The following EPHA7 variants were observed in gnomAD, a reference collection of about 807,000 sequenced individuals.
EPHA7 encodes EPH receptor A7.
In EPHA7, 25 loss-of-function variants were observed where a neutral mutation model predicts 112.6. The ratio of observed to expected loss-of-function variants is 0.22; its 90% confidence interval spans 0.16 to 0.31. The LOEUF is 0.31. Ranked by LOEUF, EPHA7 falls within the 10% of genes least tolerant of loss-of-function variation. The probability of loss-of-function intolerance (pLI) is 1.00; values close to 1 mark genes in which losing one functional copy is unlikely to be tolerated. For missense variants in EPHA7, 962 were observed against 1,212.6 expected (o/e 0.79, Z 3.07); for synonymous variants, 437 against 406.5 (o/e 1.07, Z -0.90).
intron 6 of EPHA7, among the ~76,000 whole-genome samples, chr6:93,270,627 T>C (rs1412816852): frequency 6.6e-6 from 1 of 151,670 alleles, no homozygotes; most frequent in African/African-American, 2.4e-5. Context: ...AATTCTTCAT[T>C]GAAATCTTAA....
chr6:93,284,814 G>A (rs1218813900), intron 5 of EPHA7, among the ~76,000 whole-genome samples: 1 of 151,372 alleles, frequency 6.6e-6, no homozygotes, highest in South Asian at 2.1e-4. Context: ...CATGGACACA[G>A]GGAGGGGAAC....
chr6:93,287,153 A>G (rs1772107330), intron 5 of EPHA7, among the ~76,000 whole-genome samples: 1 of 152,176 alleles, frequency 6.6e-6, no homozygotes, highest in Non-Finnish European at 1.5e-5. Context: ...GTGTCTTCCT[A>G]TCTATTGGAT....
intron 5 of EPHA7, among the ~76,000 whole-genome samples, chr6:93,289,930 T>G (rs1772273180): frequency 6.6e-6 from 1 of 152,172 alleles, no homozygotes; most frequent in Non-Finnish European, 1.5e-5. Flanking sequence ...TTAAAACCGT[T>G]TTGGATGGAA....
intron 5 of EPHA7, among the ~76,000 whole-genome samples, chr6:93,277,940 C>T (rs955564209): frequency 2.0e-5 from 3 of 151,858 alleles, no homozygotes; most frequent in Non-Finnish European, 2.9e-5. Context: ...TGAGTTAAAT[C>T]AATATATCTT....
chr6:93,418,962 CCA>C (rs1189265904), intron 1 of EPHA7, among the ~76,000 whole-genome samples: 3 of 152,184 alleles, frequency 2.0e-5, no homozygotes, highest in African/African-American at 7.2e-5. Flanking sequence ...CAACCCCACC[CCA>C]CCCCCGTTGC....
At chr6:93,266,241 T>C (rs1240418631) in intron 7 of EPHA7, among the ~76,000 whole-genome samples, 1 of 151,688 alleles carries the variant, frequency 6.6e-6, no homozygotes, top group African/African-American at 2.4e-5. Flanking sequence ...AGAAAAAGAA[T>C]GGAGTAGTTC....
chr6:93,396,898 T>C (rs1319189356), intron 3 of EPHA7, among the ~76,000 whole-genome samples: 1 of 151,748 alleles, frequency 6.6e-6, no homozygotes, highest in Non-Finnish European at 1.5e-5. Flanking sequence ...ACCCTTTTGT[T>C]AGACTGTAGA....
At chr6:93,245,091 T>C (rs147065136) in intron 16 of EPHA7, among the ~76,000 whole-genome samples, 1 of 152,346 alleles carries the variant, frequency 6.6e-6, no homozygotes, top group African/African-American at 2.4e-5. Flanking sequence ...CTTCATACAA[T>C]TATTGTTGTG....
chr6:93,249,358 G>C (rs1289397232), intron 14 of EPHA7, among the ~76,000 whole-genome samples: 1 of 152,016 alleles, frequency 6.6e-6, no homozygotes, highest in African/African-American at 2.4e-5. Context: ...ACTGTACTTG[G>C]ATTCAAAAAT....
chr6:93,358,204 A>G, intron 4 of EPHA7, 52 bp downstream of exon 4: 1 of 1,435,256 alleles, frequency 7.0e-7, no homozygotes, highest in Non-Finnish European at 9.3e-7. Flanking sequence ...TCACAACAGT[A>G]CAAATGAGTG....
chr6:93,349,740 C>T (rs1008941397), intron 5 of EPHA7, among the ~76,000 whole-genome samples: 1 of 151,662 alleles, frequency 6.6e-6, no homozygotes, highest in Non-Finnish European at 1.5e-5. Context: ...ATATTCCTAA[C>T]AAGTATAAAA....
chr6:93,268,127 T>C (rs1472932639), intron 7 of EPHA7, among the ~76,000 whole-genome samples: 1 of 151,670 alleles, frequency 6.6e-6, no homozygotes, highest in Non-Finnish European at 1.5e-5. Flanking sequence ...TGATCTTATA[T>C]AATCTATTTA....
In EPHA7 at chr6:93,418,463, C is replaced by A. The variant is rs150526481; in HGVS notation, c.97+782G>T. 2.4e-3 allele frequency among the ~76,000 whole-genome samples: 368 copies of A among 152,340 alleles called. 1 individual carries two copies. The highest frequency in any genetic ancestry group is 8.4e-3 in the African/African-American group (351 of 41,584). On this transcript the variant is annotated intron_variant, in intron 1 of 16. Coordinates refer to ENST00000369303, the MANE Select transcript of EPHA7 (RefSeq NM_004440.4). ...GGGCAAATAATTGGGGACTTTGAGT[C>A]GCCCAGGCGGCATCCTTACAAATTG...
intron 5 of EPHA7, among the ~76,000 whole-genome samples, chr6:93,331,380 C>T (rs1234943356): frequency 1.3e-5 from 2 of 150,906 alleles, no homozygotes; most frequent in Non-Finnish European, 3.0e-5. Context: ...CCTTTAATCC[C>T]TTTCCAAATT....
intron 3 of EPHA7, among the ~76,000 whole-genome samples, chr6:93,376,419 G>A (rs1022052592): frequency 1.3e-5 from 2 of 152,050 alleles, no homozygotes; most frequent in Non-Finnish European, 2.9e-5. Context: ...GGAATTACAG[G>A]CATAAGTCAC....
chr6:93,241,102 A>T lies in EPHA7; in HGVS notation c.*2324T>A, dbSNP rs965902613. On this transcript the variant is annotated 3_prime_UTR_variant, in exon 17 of 17. Transcript: ENST00000369303. ...TATTCTGCCCTTCTACTCAAGAAAGACTACTCAACTATAAATCTAGTGCTA... is the reference window on the plus strand; with the variant it reads ...TATTCTGCCCTTCTACTCAAGAAAGTCTACTCAACTATAAATCTAGTGCTA... 4.9e-6 allele frequency: 1 copy of T among 205,472 alleles called. No individual in the cohort carries two copies. The allele number at this position is 205,472 out of a possible 1,614,324, so 12.7% of individuals were successfully genotyped here.
intron 5 of EPHA7, among the ~76,000 whole-genome samples, chr6:93,326,335 A>T (rs1774318764): frequency 6.6e-6 from 1 of 151,426 alleles, no homozygotes; most frequent in East Asian, 1.9e-4. Context: ...AAAACACTGC[A>T]CAACATTCAG....
intron 5 of EPHA7, among the ~76,000 whole-genome samples, chr6:93,343,380 A>C (rs2127924455): frequency 6.6e-6 from 1 of 151,842 alleles, no homozygotes; most frequent in South Asian, 2.1e-4. Context: ...TTCAGAAATA[A>C]AAAAATTCAA....
chr6:93,243,501 T>C lies in EPHA7; in HGVS notation c.2922A>G (p.Gln974=), dbSNP rs1164826892. Residue 974 remains glutamine, a synonymous_variant, in exon 17 of 17, where the codon CAA becomes CAG. Transcript: ENST00000369303. ...TCTGAATGCTGCTCATGATTTTCTTTTGATGACCAACCAGTGTGATCCCTA... is the reference window on the plus strand; with the variant it reads ...TCTGAATGCTGCTCATGATTTTCTTCTGATGACCAACCAGTGTGATCCCTA... The part of the protein sequence containing the change: ...MSLGITLVGH[Q]KKIMSSIQTM... The C allele has an allele frequency of 4.3e-6, 7 of 1,613,642 alleles. No individual in the cohort carries two copies. The highest frequency in any genetic ancestry group is 1.3e-5 in the African/African-American group (1 of 75,046).
Sources: allele counts gnomAD v4.1 joint callset (sites outside exome capture counted in the v4.1 genomes callset), GRCh38; gene constraint gnomAD v4.1.1; transcripts MANE v1.5; gene names NCBI Gene and HGNC (gene_info 2026-07-23, HGNC 2026-07-21).